The following NDUFS1 variants were observed in gnomAD, a reference collection of about 807,000 sequenced individuals.
NDUFS1 encodes NADH-ubiquinone oxidoreductase 75 kDa subunit, mitochondrial.
In NDUFS1, 61 loss-of-function variants were observed where a neutral mutation model predicts 84.4. The ratio of observed to expected loss-of-function variants is 0.72; its 90% CI spans 0.59 to 0.89. The LOEUF is 0.89. NDUFS1 is among the 40% of genes least tolerant of loss of function. The pLI is 0.00. For synonymous variants in NDUFS1, 275 were observed against 290.0 expected (o/e 0.95, Z 0.53); for missense variants, 891 against 890.0 (o/e 1.00, Z -0.01).
chr2:206,136,438 G>GTTTTTTTTTTTT (rs59751619), intron 13 of NDUFS1, among the ~76,000 whole-genome samples: 1 of 125,950 alleles, frequency 7.9e-6, no homozygotes, highest in Non-Finnish European at 1.7e-5. Flanking sequence ...TTTTTTTTTT[G>GTTTTTTTTTTTT]TTTTTTTTTT....
rs760374966 is a variant in NDUFS1, at chr2:206,127,806, T to G, written c.1875A>C (p.Ala625=). Residue 625 remains alanine (A), a synonymous_variant, in exon 16 of 19, where the codon GCA becomes GCC. Coordinates refer to ENST00000233190, the MANE Select transcript of NDUFS1 (RefSeq NM_005006.7). ...GACTCAGAAATTATACCTCAGAGAG[T>G]GCTCTTATAATTTTCCAGTCTTCTC... ...LAREDWKIIR[A]LSEIAGMTLP... The G allele has an allele frequency of 1.9e-6, 3 of 1,613,898 alleles. No homozygotes were observed. In the East Asian group the frequency reaches 6.7e-5, roughly 36 times the overall value.
chr2:206,126,495 T>C, intron 18 of NDUFS1, 44 bp downstream of exon 18: 1 of 1,557,672 alleles, frequency 6.4e-7, no homozygotes, highest in Non-Finnish European at 8.9e-7. Context: ...TCTGATTACT[T>C]CTTACCTTTC....
chr2:206,135,191 GT>G (rs573471342), intron 13 of NDUFS1, among the ~76,000 whole-genome samples: 62 of 151,770 alleles, frequency 4.1e-4, no homozygotes, highest in African/African-American at 1.4e-3. Context: ...GCAAATTGGG[GT>G]TTTTTTGTAT....
intron 12 of NDUFS1, among the ~76,000 whole-genome samples, chr2:206,140,641 C>T (rs942212781): frequency 5.3e-5 from 8 of 151,788 alleles, no homozygotes; most frequent in African/African-American, 1.5e-4. Flanking sequence ...CCACCATGCC[C>T]GGCTAATTTT....
rs781656567 is a variant in NDUFS1 at position 206,120,430 on chromosome 2, T to G, written c.*3755A>C. 1 of 152,152 alleles carries G rather than the reference T, an allele frequency of 6.6e-6. No homozygotes were observed. Among genetic ancestry groups the G allele is most frequent in the African/African-American group, 2.4e-5 (1 of 41,430 alleles). 9.4% of individuals were successfully genotyped at this position (152,152 alleles called of 1,614,324 possible). A position where few individuals can be genotyped will look rare whatever the true frequency, so the allele number is the denominator to read the frequency against. On this transcript the variant is annotated 3_prime_UTR_variant, in exon 19 of 19. Coordinates refer to ENST00000233190, the MANE Select transcript of NDUFS1 (RefSeq NM_005006.7). ...TAAGTGGTTGTGACCAAAATGCTGA[T>G]AGACATATGGTGAAGTCCAGAGTGA... is the stretch of plus-strand genomic sequence containing the variant.
intron 5 of NDUFS1, among the ~76,000 whole-genome samples, chr2:206,148,375 A>C (rs6758114): frequency 0.53 from 80,188 of 151,656 alleles, 22,731 homozygotes; most frequent in African/African-American, 0.74. Flanking sequence ...CCCAGGCTGG[A>C]CTCGAGCTCC....
intron 3 of NDUFS1, among the ~76,000 whole-genome samples, chr2:206,150,310 C>T (rs1427170364): frequency 2.6e-5 from 4 of 152,214 alleles, no homozygotes; most frequent in Non-Finnish European, 5.9e-5. Flanking sequence ...GATTTCACTA[C>T]ACATTATCTA....
rs1249731890 is a variant in NDUFS1 at position 206,159,443 on chromosome 2, C to G, written c.-107G>C. On this transcript the variant is annotated 5_prime_UTR_variant, in exon 1 of 19. Coordinates refer to ENST00000233190, the MANE Select transcript of NDUFS1 (RefSeq NM_005006.7). Reference sequence around the variant, plus strand: ...TTCAATATGGCGGCCTCGGCTAACTCTGTCAGCCGGGCCTGGAGAACGGAA... The same window carrying G: ...TTCAATATGGCGGCCTCGGCTAACTGTGTCAGCCGGGCCTGGAGAACGGAA... 3 of 431,022 alleles carry G rather than the reference C, an allele frequency of 7.0e-6. No individual in the cohort carries two copies. The highest frequency in any genetic ancestry group is 1.3e-5 in the Non-Finnish European group (3 of 237,312). The allele number at this position is 431,022 out of a possible 1,614,324, so 26.7% of individuals were successfully genotyped here.
intron 4 of NDUFS1, 29 bp from the exon 5 acceptor site, chr2:206,149,125 G>GT: frequency 6.6e-7 from 1 of 1,510,110 alleles, no homozygotes; most frequent in Non-Finnish European, 9.2e-7. Flanking sequence ...AAAAAAATGT[G>GT]TATTTGTATT....
In NDUFS1 at chr2:206,147,672, T is replaced by C. The variant is rs1323715623; in HGVS notation, c.421-11A>G. 1.9e-6 allele frequency: 3 copies of C among 1,614,086 alleles called. No individual in the cohort carries two copies. In the South Asian group the frequency reaches 3.3e-5, roughly 18 times the overall value. On this transcript the variant is annotated splice_polypyrimidine_tract_variant and intron_variant, in intron 6 of 18. Transcript: ENST00000233190. ...CATCATGGACTGGTCCTTAAGTAGA[T>C]TATGAAAGAGTCAATCTCATGCTGC...
Position 206,146,984 on chromosome 2 carries a change from G to C in NDUFS1, c.656C>G (p.Ser219Cys), listed in dbSNP as rs775379728. 58 of 1,613,978 alleles carry C rather than the reference G, an allele frequency of 3.6e-5. No individual in the cohort carries two copies. Among genetic ancestry groups the C allele is most frequent in the Non-Finnish European group, 4.2e-5 (50 of 1,179,966 alleles). The change falls in exon 8 of 19, where the codon TCT (serine) becomes TGT (cysteine). Residue 219 changes from serine (S) to cysteine (C), a missense_variant. Transcript: ENST00000233190. ...YIEKMFMSEL[S>C]GNIIDICPVG... ...AGGGCAGATATCAATGATATTCCCA[G>C]ACAGTTCAGACATGAACATCTTTTC... is the stretch of plus-strand genomic sequence containing the variant.
Position 206,147,679 on chromosome 2 carries a change from A to G in NDUFS1, c.421-18T>C, listed in dbSNP as rs1260366571. The G allele has an allele frequency of 1.2e-6, 2 of 1,614,150 alleles. No homozygotes were observed. The highest frequency in any genetic ancestry group is 2.2e-5 in the East Asian group (1 of 44,874). On this transcript the variant is annotated intron_variant, in intron 6 of 18. Coordinates refer to ENST00000233190, the MANE Select transcript of NDUFS1 (RefSeq NM_005006.7). The stretch of plus-strand genomic sequence containing the variant: ...GACTGGTCCTTAAGTAGATTATGAA[A>G]GAGTCAATCTCATGCTGCTAATAAA...
chr2:206,148,919 G>A (rs555105983), intron 5 of NDUFS1, 101 bp downstream of exon 5: 16 of 870,666 alleles, frequency 1.8e-5, no homozygotes, highest in South Asian at 9.6e-5. Context: ...AACTTCTTCC[G>A]AGTTTGATAT....
At position 206,138,630 on chromosome 2, in the gene NDUFS1, C is replaced by G; in HGVS notation, c.1263-16G>C. On this transcript the variant is annotated splice_polypyrimidine_tract_variant and intron_variant, in intron 12 of 18. Transcript: ENST00000233190. The stretch of plus-strand genomic sequence containing the variant: ...ATGCAGCCAGCTGAAATAAAAACAA[C>G]ATTTTAAGAAGTAAATAACTAAGCT... 1.2e-6 allele frequency: 2 copies of G among 1,613,166 alleles called. No homozygotes were observed. Among genetic ancestry groups the G allele is most frequent in the Non-Finnish European group, 1.7e-6 (2 of 1,179,300 alleles).
chr2:206,135,426 G>A (rs1398389286), intron 13 of NDUFS1, among the ~76,000 whole-genome samples: 1 of 152,052 alleles, frequency 6.6e-6, no homozygotes, highest in Admixed American at 6.6e-5. Context: ...TGTAATCCCA[G>A]TACTTTGGGA....
chr2:206,132,188 T>C (rs567897954), intron 14 of NDUFS1, among the ~76,000 whole-genome samples: 15 of 151,944 alleles, frequency 9.9e-5, no homozygotes, highest in East Asian at 3.9e-4. Flanking sequence ...TGCATGAAAA[T>C]AGTAATAATT....
In NDUFS1 at chr2:206,117,125, T is replaced by G. The variant is rs898744975; in HGVS notation, c.*7060A>C. On this transcript the variant is annotated 3_prime_UTR_variant, in exon 19 of 19. Coordinates refer to ENST00000233190, the MANE Select transcript of NDUFS1 (RefSeq NM_005006.7). The stretch of plus-strand genomic sequence containing the variant: ...AGGAGGATTGCTTGATCCAGGGAGG[T>G]TGAGGCTGCAGTGAACTGTGATCAT... 9.9e-5 allele frequency: 15 copies of G among 152,114 alleles called. No individual in the cohort carries two copies. Among genetic ancestry groups the G allele is most frequent in the Non-Finnish European group, 1.9e-4 (13 of 68,108 alleles). The allele number at this position is 152,114 out of a possible 1,614,324, so 9.4% of individuals were successfully genotyped here. A position where few individuals can be genotyped will look rare whatever the true frequency, so the allele number is the denominator to read the frequency against.
rs779514372 is a variant in NDUFS1, at chr2:206,126,822, T to C, written c.1907A>G (p.Tyr636Cys). The C allele has an allele frequency of 9.9e-6, 16 of 1,614,142 alleles. 1 individual carries two copies. Among genetic ancestry groups the C allele is most frequent in the Non-Finnish European group, 1.4e-5 (16 of 1,180,038 alleles). The change falls in exon 17 of 19, where the codon TAT (tyrosine) becomes TGT (cysteine). Residue 636 changes from tyrosine to cysteine, a missense_variant. Transcript: ENST00000233190. ...GTTCCTTACTTGATCCAGAGTATCA[T>C]ATGGAAGAGTCATTCCAGCAATCTA... ...LSEIAGMTLP[Y>C]DTLDQVRNRL...
chr2:206,134,013 G>C, intron 13 of NDUFS1, among the ~76,000 whole-genome samples: 1 of 152,070 alleles, frequency 6.6e-6, no homozygotes, highest in South Asian at 2.1e-4. Flanking sequence ...TAAAGTTATA[G>C]AATACACGTC....
Sources: allele counts gnomAD v4.1 joint callset (sites outside exome capture counted in the v4.1 genomes callset), GRCh38; gene constraint gnomAD v4.1.1; transcripts MANE v1.5; gene names NCBI Gene and HGNC (gene_info 2026-07-23, HGNC 2026-07-21).